The following KCNQ2 variants were observed in gnomAD, a reference collection of about 807,000 sequenced individuals.
KCNQ2 encodes potassium voltage-gated channel subfamily KQT member 2.
In KCNQ2, 14 loss-of-function variants were observed where a neutral mutation model predicts 84.8. The ratio of observed to expected loss-of-function variants is 0.17; its 90% CI spans 0.11 to 0.26. The LOEUF (loss-of-function observed/expected upper bound fraction) is 0.26. KCNQ2 is among the 10% of genes least tolerant of loss of function. The pLI is 1.00. For missense variants in KCNQ2, 788 were observed against 1,254.0 expected (o/e 0.63, Z 5.61); for synonymous variants, 599 against 554.1 (o/e 1.08, Z -1.14).
Position 63,465,101 on chromosome 20 carries a change from G to A in KCNQ2, c.296+7067C>T, listed in dbSNP as rs140510265. Among the ~76,000 whole-genome samples, 396 of 152,368 alleles carry A rather than the reference G, an allele frequency of 2.6e-3. 2 individuals carry two copies. The Middle Eastern group carries it at 0.037, about 14-fold the overall frequency. Reference sequence around the variant, plus strand: ...AAGCGACAGGCGCAGGTTTGGGGCTGAGGCCGTCCCAGCAGCTCTGTGGCC... The same window carrying A: ...AAGCGACAGGCGCAGGTTTGGGGCTAAGGCCGTCCCAGCAGCTCTGTGGCC... On this transcript the variant is annotated intron_variant, in intron 1 of 16. Coordinates refer to ENST00000359125, the MANE Select transcript of KCNQ2 (RefSeq NM_172107.4).
At chr20:63,435,985 C>CTTTTT (rs56346120) in intron 7 of KCNQ2, among the ~76,000 whole-genome samples, 1 of 139,906 alleles carries the variant, frequency 7.1e-6, no homozygotes, top group East Asian at 2.1e-4. Flanking sequence ...TGTGTGGTTT[C>CTTTTT]TTTTTTTTTT....
intron 5 of KCNQ2, among the ~76,000 whole-genome samples, chr20:63,441,925 G>A (rs891611011): frequency 6.6e-5 from 10 of 152,188 alleles, no homozygotes; most frequent in African/African-American, 2.2e-4. Flanking sequence ...CCCTGCCCCT[G>A]TGCACCAGCA....
intron 11 of KCNQ2, among the ~76,000 whole-genome samples, chr20:63,421,470 C>T (rs1032563259): frequency 3.9e-5 from 6 of 152,174 alleles, no homozygotes; most frequent in Non-Finnish European, 8.8e-5. Context: ...TGCACCTCCC[C>T]CTGGGGTCCG....
intron 1 of KCNQ2, among the ~76,000 whole-genome samples, chr20:63,466,169 G>A (rs1270368195): frequency 6.6e-6 from 1 of 152,168 alleles, no homozygotes; most frequent in Non-Finnish European, 1.5e-5. Flanking sequence ...GGCACACACA[G>A]GGCAGGCACC....
chr20:63,459,602 T>C (rs1409316700), intron 1 of KCNQ2: 1 of 152,098 alleles, frequency 6.6e-6, no homozygotes, highest in East Asian at 1.9e-4. Context: ...GGGCACACGA[T>C]GGCAGAGGGC....
chr20:63,418,491 G>T (rs540631638), intron 12 of KCNQ2, among the ~76,000 whole-genome samples: 111 of 152,262 alleles, frequency 7.3e-4, no homozygotes, highest in Admixed American at 1.1e-3. Flanking sequence ...GGCCTCCCGT[G>T]GGGGCTGCTC....
At position 63,408,212 on chromosome 20, in the gene KCNQ2, GCAC is replaced by G; in HGVS notation, c.1887+198_1887+200del. The G allele has an allele frequency of 4.6e-6, 3 of 653,792 alleles. No individual in the cohort carries two copies. The highest frequency in any genetic ancestry group is 3.7e-5 in the South Asian group (2 of 53,648). The allele number at this position is 653,792 out of a possible 1,614,324, so 40.5% of individuals were successfully genotyped here. On this transcript the variant is annotated intron_variant, in intron 16 of 16. Coordinates refer to ENST00000359125, the MANE Select transcript of KCNQ2 (RefSeq NM_172107.4). This position sits in a 1 kb window ranked among gnomAD's most constrained non-coding sequence, Gnocchi z 5.0. Reference sequence around the variant, plus strand: ...CCCTTGGGTACTGTCAGGAGGGAAGGCACCCAGGCCGGGGGTGGGAGGCTCACG... The same window carrying G: ...CCCTTGGGTACTGTCAGGAGGGAAGGCCAGGCCGGGGGTGGGAGGCTCACG...
intron 1 of KCNQ2, among the ~76,000 whole-genome samples, chr20:63,464,645 C>A (rs1201251674): frequency 3.3e-5 from 5 of 152,202 alleles, no homozygotes; most frequent in African/African-American, 1.2e-4. Flanking sequence ...CTCCCCGACG[C>A]TGGAACAGGG....
intron 1 of KCNQ2, 88 bp downstream of exon 1, chr20:63,472,080 G>T: frequency 9.7e-7 from 1 of 1,028,882 alleles, no homozygotes; most frequent in Non-Finnish European, 1.3e-6. Flanking sequence ...AGCCAAACCC[G>T]CCGCAGCCAG....
At chr20:63,445,488 A>C in intron 2 of KCNQ2, 124 bp from the exon 3 acceptor site, 2 of 989,630 alleles carry the variant, frequency 2.0e-6, no homozygotes, top group African/African-American at 3.9e-5. Flanking sequence ...CCCCCAAAGG[A>C]AACTGCAAGC....
intron 8 of KCNQ2, among the ~76,000 whole-genome samples, chr20:63,432,457 G>T (rs1327700903): frequency 3.6e-5 from 5 of 137,490 alleles, no homozygotes; most frequent in African/African-American, 8.1e-5. Flanking sequence ...CACAGGGAAG[G>T]CTCCACCCAC....
intron 11 of KCNQ2, among the ~76,000 whole-genome samples, chr20:63,420,440 T>C (rs975161498): frequency 1.2e-4 from 19 of 152,056 alleles, no homozygotes; most frequent in African/African-American, 4.6e-4. Flanking sequence ...ACTCAAGAAC[T>C]CTTCCTTTTC....
At position 63,406,985 on chromosome 20, in the gene KCNQ2, G is replaced by A. The variant is rs1449467609; in HGVS notation, c.2278C>T (p.Arg760Cys). ...RSLSAYGGGN[R>C]ASMEFLRQED... ...TGCCGCAGGAACTCCATGCTGGCGC[G>A]GTTGCCCCCGCCGTAGGCGGACAGC... The change falls in exon 17 of 17, where the codon CGC becomes TGC. Residue 760 changes from arginine (R) to cysteine (C), a missense_variant. Physicochemically the swap from Arg to Cys is radical, Grantham distance 180. This residue lies in a region of KCNQ2 where 378 missense variants were observed against 434.5 expected (regional missense o/e 0.87). Coordinates refer to ENST00000359125, the MANE Select transcript of KCNQ2 (RefSeq NM_172107.4). 9.8e-6 allele frequency: 15 copies of A among 1,524,354 alleles called. No individual in the cohort carries two copies. The highest frequency in any genetic ancestry group is 1.1e-5 in the Non-Finnish European group (13 of 1,138,060). The allele number at this position is 1,524,354 out of a possible 1,614,324, so 94.4% of individuals were successfully genotyped here. A position where few individuals can be genotyped will look rare whatever the true frequency, so the allele number is the denominator to read the frequency against.
rs2079974270 is a variant in KCNQ2 at position 63,407,231 on chromosome 20, C to T, written c.2032G>A (p.Glu678Lys). Residue 678 changes from glutamate (E) to lysine (K), a missense_variant, in exon 17 of 17, where the codon GAG (glutamate) becomes AAG (lysine). Physicochemically the swap from Glu to Lys is moderately conservative, Grantham distance 56. This residue lies in a region of KCNQ2 where 378 missense variants were observed against 434.5 expected (regional missense o/e 0.87). Coordinates refer to ENST00000359125, the MANE Select transcript of KCNQ2 (RefSeq NM_172107.4). The surrounding 1 kb of genome is among the most constrained non-coding windows in gnomAD (Gnocchi z 7.2). Reference sequence around the variant, plus strand: ...ATGCAGCCGTGCCTGTCGACATGCTCCCGGCTGTCTTCCGGGCTGTGGTAC... The same window carrying T: ...ATGCAGCCGTGCCTGTCGACATGCTTCCGGCTGTCTTCCGGGCTGTGGTAC... ...PPYHSPEDSR[E>K]HVDRHGCIVK... 6.2e-7 allele frequency: 1 copy of T among 1,603,638 alleles called. No individual in the cohort carries two copies.
chr20:63,462,610 A>G (rs1472462366), intron 1 of KCNQ2, among the ~76,000 whole-genome samples: 1 of 152,200 alleles, frequency 6.6e-6, no homozygotes, highest in Non-Finnish European at 1.5e-5. Flanking sequence ...ACTTCTCTGC[A>G]TATTTGGTCC....
chr20:63,424,456 C>T (rs552865454), intron 10 of KCNQ2: 4 of 575,618 alleles, frequency 6.9e-6, no homozygotes, highest in Non-Finnish European at 1.2e-5. Context: ...GGCCTCTGCT[C>T]TTCTGACCTG....
At chr20:63,430,658 T>A (rs935371886) in intron 9 of KCNQ2, among the ~76,000 whole-genome samples, 2 of 152,172 alleles carry the variant, frequency 1.3e-5, no homozygotes, top group African/African-American at 4.8e-5. Context: ...AGCTCAGCGC[T>A]CTCCAGTCTG....
intron 1 of KCNQ2, among the ~76,000 whole-genome samples, chr20:63,469,430 T>C (rs919968571): frequency 6.6e-6 from 1 of 152,202 alleles, no homozygotes; most frequent in Admixed American, 6.5e-5. Flanking sequence ...AGTCCCTCTC[T>C]AACTCAGTGC....
intron 1 of KCNQ2, among the ~76,000 whole-genome samples, chr20:63,453,973 A>C (rs1304418738): frequency 6.6e-6 from 1 of 152,010 alleles, no homozygotes. Flanking sequence ...CTTCCTCTAA[A>C]CTAAAAAAAA....
Sources: gnomAD v4.1 joint callset for allele counts (sites outside exome capture counted in the v4.1 genomes callset) on GRCh38, gnomAD v4.1.1 for gene constraint, gnomAD v4.1.1 regional missense constraint, Gnocchi (gnomAD v3.1) non-coding constraint, MANE v1.5 for transcripts, NCBI Gene and HGNC (gene_info 2026-07-23, HGNC 2026-07-21) for gene names.